SYNDIG1L: variants seen among roughly 807,000 people sequenced by gnomAD.
SYNDIG1L encodes synapse differentiation-inducing gene protein 1-like.
In SYNDIG1L, 13 loss-of-function variants were observed where a neutral mutation model predicts 20.1. The ratio of observed to expected loss-of-function variants is 0.65; its 90% CI spans 0.42 to 1.03. The LOEUF (loss-of-function observed/expected upper bound fraction) is 1.03. SYNDIG1L is among the 50% of genes least tolerant of loss of function. The probability of loss-of-function intolerance (pLI) is 0.00; values close to 1 mark genes in which losing one functional copy is unlikely to be tolerated. For synonymous variants in SYNDIG1L, 128 were observed against 129.3 expected, an observed-to-expected ratio of 0.99 and a Z score of 0.07; for missense variants, 294 against 305.1, an observed-to-expected ratio of 0.96 and a Z score of 0.27.
the SYNDIG1L span, chr14:74,474,660 G>A: frequency 1.3e-5 from 2 of 152,288 alleles, no homozygotes; most frequent in Non-Finnish European, 2.9e-5. Flanking sequence ...CCTTCAGGCT[G>A]GAGACAAGCT....
At position 74,426,137 on chromosome 14, in the gene SYNDIG1L, C is replaced by G. The variant is rs944906097; in HGVS notation, c.-283G>C. 6.7e-6 allele frequency: 1 copy of G among 148,790 alleles called. No homozygotes were observed. The highest frequency in any genetic ancestry group is 2.4e-5 in the African/African-American group (1 of 40,942). The allele number at this position is 148,790 out of a possible 1,614,324, so 9.2% of individuals were successfully genotyped here. On this transcript the variant is annotated 5_prime_UTR_variant, in exon 1 of 4. It removes an upstream start codon present in the reference 5' UTR. Coordinates refer to ENST00000331628, the MANE Select transcript of SYNDIG1L (RefSeq NM_001105579.2). ...GCCCCGCGCGGTCCCGGGAGCCCCG[C>G]ATCCTGGCCGGGCCCCGCCGCCGCC...
chr14:74,462,339 C>T, the SYNDIG1L span, among the ~76,000 whole-genome samples: 2 of 151,584 alleles, frequency 1.3e-5, no homozygotes, highest in African/African-American at 4.8e-5. Context: ...CAAAAATTAG[C>T]CAGGTGTGGT....
chr14:74,418,019 G>A (rs1205136931), intron 1 of SYNDIG1L, among the ~76,000 whole-genome samples: 1 of 152,160 alleles, frequency 6.6e-6, no homozygotes, highest in Non-Finnish European at 1.5e-5. Flanking sequence ...ATAAAAACCA[G>A]AACTTCCTAA....
At chr14:74,415,935 C>T (rs553684697) in intron 1 of SYNDIG1L, among the ~76,000 whole-genome samples, 1 of 152,196 alleles carries the variant, frequency 6.6e-6, no homozygotes, top group South Asian at 2.1e-4. Flanking sequence ...TCAGTAATGA[C>T]AATGAATGTA....
chr14:74,447,975 C>A, the SYNDIG1L span, among the ~76,000 whole-genome samples: 4 of 151,986 alleles, frequency 2.6e-5, no homozygotes, highest in East Asian at 1.9e-4. Context: ...GTACTATAAA[C>A]CCCTAAGTAA....
the SYNDIG1L span, among the ~76,000 whole-genome samples, chr14:74,460,135 A>G: frequency 6.6e-6 from 1 of 151,944 alleles, no homozygotes; most frequent in Non-Finnish European, 1.5e-5. Flanking sequence ...CTTTCCTCTC[A>G]GGCTTTAAGC....
intron 1 of SYNDIG1L, among the ~76,000 whole-genome samples, chr14:74,425,704 C>A (rs1465281953): frequency 6.6e-6 from 1 of 152,126 alleles, no homozygotes; most frequent in Non-Finnish European, 1.5e-5. Flanking sequence ...GGTGTCTTGA[C>A]CCCAGTTCAT....
the SYNDIG1L span, among the ~76,000 whole-genome samples, chr14:74,458,621 CAAAA>C: frequency 1.3e-5 from 1 of 79,846 alleles, no homozygotes; most frequent in Non-Finnish European, 2.6e-5. Flanking sequence ...GACTCCATCT[CAAAA>C]AAAAAAAAAA....
intron 1 of SYNDIG1L, among the ~76,000 whole-genome samples, chr14:74,420,464 G>A (rs2086212997): frequency 6.6e-6 from 1 of 151,776 alleles, no homozygotes; most frequent in Non-Finnish European, 1.5e-5. Context: ...TTGAAAAGGA[G>A]GAAGAGTCAG....
the SYNDIG1L span, among the ~76,000 whole-genome samples, chr14:74,437,858 T>C: frequency 6.6e-6 from 1 of 152,200 alleles, no homozygotes; most frequent in South Asian, 2.1e-4. Flanking sequence ...TTGCTATCCA[T>C]GGTGCTGACA....
At chr14:74,428,154 C>T (rs2139635574), upstream of SYNDIG1L, among the ~76,000 whole-genome samples, 1 of 152,386 alleles carries the variant, frequency 6.6e-6, no homozygotes, top group Non-Finnish European at 1.5e-5. Flanking sequence ...GGCTGTGCGA[C>T]CTTAGGCAGT....
chr14:74,451,983 C>CT, the SYNDIG1L span, among the ~76,000 whole-genome samples: 1 of 50,692 alleles, frequency 2.0e-5, no homozygotes, highest in Admixed American at 2.5e-4. Context: ...GAGACTTTGT[C>CT]TAAAAAAAAA....
chr14:74,426,431 G>A (rs1198146888), upstream of SYNDIG1L, among the ~76,000 whole-genome samples: 1 of 152,058 alleles, frequency 6.6e-6, no homozygotes, highest in Non-Finnish European at 1.5e-5. Flanking sequence ...TCCTGGAGCC[G>A]AGCCCTCTTT....
rs150584401 is a variant in SYNDIG1L, at chr14:74,413,754, G to T, written c.-57-3953C>A. ...TTTGGCGGCTGAGCACAGCATTAAA[G>T]CCTGCCCCCTCACATATACACTCAC... On this transcript the variant is annotated intron_variant, in intron 1 of 3. Coordinates refer to ENST00000331628, the MANE Select transcript of SYNDIG1L (RefSeq NM_001105579.2). 3.4e-3 allele frequency among the ~76,000 whole-genome samples: 519 copies of T among 150,602 alleles called. 3 individuals are homozygous for T. Among genetic ancestry groups the T allele is most frequent in the Middle Eastern group, 0.027 (8 of 294 alleles).
At chr14:74,454,854 G>A in the SYNDIG1L span, among the ~76,000 whole-genome samples, 6 of 152,316 alleles carry the variant, frequency 3.9e-5, no homozygotes, top group African/African-American at 1.4e-4. Context: ...CCTATTGTGA[G>A]GTTTAATTGT....
rs1267674445 is a variant in SYNDIG1L at position 74,405,928 on chromosome 14, A to G, written c.*1607T>C. ...ACAGAAACATTTATTACAAGGATAA[A>G]TCAGTACAATAATGGGACCTTAAAA... is the stretch of plus-strand genomic sequence containing the variant. On this transcript the variant is annotated 3_prime_UTR_variant, in exon 4 of 4. Coordinates refer to ENST00000331628, the MANE Select transcript of SYNDIG1L (RefSeq NM_001105579.2). The G allele has an allele frequency of 1.0e-5, 4 of 398,610 alleles. No homozygotes were observed. The highest frequency in any genetic ancestry group is 7.1e-5 in the East Asian group (2 of 28,094). The allele number at this position is 398,610 out of a possible 1,614,324, so 24.7% of individuals were successfully genotyped here. A position where few individuals can be genotyped will look rare whatever the true frequency, so the allele number is the denominator to read the frequency against.
intron 1 of SYNDIG1L, among the ~76,000 whole-genome samples, chr14:74,413,927 A>G (rs552153736): frequency 2.0e-5 from 3 of 152,290 alleles, no homozygotes; most frequent in East Asian, 3.9e-4. Flanking sequence ...ATATCCTACT[A>G]GGGCCACATG....
At chr14:74,441,111 C>G in the SYNDIG1L span, among the ~76,000 whole-genome samples, 1 of 152,208 alleles carries the variant, frequency 6.6e-6, no homozygotes, top group African/African-American at 2.4e-5. Context: ...CAGAAGCAGC[C>G]ACACTGCTAC....
chr14:74,473,187 A>G, the SYNDIG1L span, among the ~76,000 whole-genome samples: 1 of 151,938 alleles, frequency 6.6e-6, no homozygotes, highest in South Asian at 2.1e-4. Flanking sequence ...GGAGTTTAAG[A>G]CTAGCCTGGC....
Sources: gnomAD v4.1 joint callset for allele counts (sites outside exome capture counted in the v4.1 genomes callset) on GRCh38, gnomAD v4.1.1 for gene constraint, MANE v1.5 for transcripts, NCBI Gene and HGNC (gene_info 2026-07-23, HGNC 2026-07-21) for gene names.